The following C4orf17 variants were observed in gnomAD, a reference collection of about 807,000 sequenced individuals.
The protein encoded by C4orf17 is chromosome 4 open reading frame 17.
A neutral mutation model predicts 32.0 loss-of-function variants in C4orf17; 25 were observed. The ratio of observed to expected loss-of-function variants is 0.78; its 90% confidence interval spans 0.57 to 1.09. The LOEUF is 1.09. Ranked by LOEUF, C4orf17 falls within the 50% of genes least tolerant of loss-of-function variation. The probability of loss-of-function intolerance (pLI) is 0.00; values close to 1 mark genes in which losing one functional copy is unlikely to be tolerated. For missense variants in C4orf17, 420 were observed against 420.0 expected (o/e 1.00, Z 0.00); for synonymous variants, 149 against 145.8 (o/e 1.02, Z -0.16).
chr4:99,526,061 C>T (rs1029400647), intron 4 of C4orf17, among the ~76,000 whole-genome samples: 1 of 152,178 alleles, frequency 6.6e-6, no homozygotes, highest in African/African-American at 2.4e-5. Context: ...TGAGGGCAGA[C>T]ATCCTTGCCT....
In C4orf17 at chr4:99,513,102, A is replaced by G. The variant is rs112241691; in HGVS notation, c.21A>G (p.Thr7=). 2 of 1,613,734 alleles carry G rather than the reference A, an allele frequency of 1.2e-6. No individual in the cohort carries two copies. The highest frequency in any genetic ancestry group is 1.7e-6 in the Non-Finnish European group (2 of 1,179,844). The change falls in exon 2 of 9, where the codon ACA becomes ACG. Residue 7 remains threonine, a synonymous_variant. Transcript: ENST00000326581. MNLNPP[T]SALQIEGKGS... is the part of the protein sequence containing the mutation. ...CAAACATGAACCTCAACCCCCCGAC[A>G]TCTGCTCTTCAGATCGAGGGCAAAG... is the stretch of plus-strand genomic sequence containing the variant.
chr4:99,534,001 C>T (rs771728558), intron 5 of C4orf17, among the ~76,000 whole-genome samples: 3 of 152,082 alleles, frequency 2.0e-5, no homozygotes, highest in East Asian at 3.8e-4. Context: ...TTTTAAGTTC[C>T]GGGGTACATG....
chr4:99,529,927 G>T lies in C4orf17; in HGVS notation c.515G>T (p.Cys172Phe). The T allele has an allele frequency of 6.2e-7, 1 of 1,611,964 alleles. No homozygotes were observed. The highest frequency in any genetic ancestry group is 8.5e-7 in the Non-Finnish European group (1 of 1,178,996). The change falls in exon 5 of 9, where the codon TGC (cysteine) becomes TTC (phenylalanine). Residue 172 changes from cysteine to phenylalanine, a missense_variant. By Grantham distance (205) the Cys-to-Phe change is radical. Coordinates refer to ENST00000326581, the MANE Select transcript of C4orf17 (RefSeq NM_032149.3). ...AATGATGTGAAAGCAAACACCATTT[G>T]CATACCAAACTATCTGGATCAGGAA... ...TKNDVKANTI[C>F]IPNYLDQEIK...
At chr4:99,513,359 T>A in intron 2 of C4orf17, 151 bp downstream of exon 2, 1 of 966,344 alleles carries the variant, frequency 1.0e-6, no homozygotes, top group African/African-American at 1.6e-5. Context: ...GCCAGCACTG[T>A]AGTGAGAGCA....
chr4:99,540,274 A>T, intron 7 of C4orf17, 138 bp from the exon 8 acceptor site: 1 of 547,340 alleles, frequency 1.8e-6, no homozygotes, highest in East Asian at 2.9e-5. Flanking sequence ...TTAATACTGT[A>T]TGCATTAAAA....
At position 99,542,041 on chromosome 4, in the gene C4orf17, G is replaced by T. The variant is rs1230868648; in HGVS notation, c.1012G>T (p.Ala338Ser). The T allele has an allele frequency of 1.2e-6, 2 of 1,613,970 alleles. No homozygotes were observed. Among genetic ancestry groups the T allele is most frequent in the Non-Finnish European group, 1.7e-6 (2 of 1,179,990 alleles). ...QESGSAKPVSARSIQEYNLCP... is the reference protein window; with the variant it reads ...QESGSAKPVSSRSIQEYNLCP... ...GAGTGGATCAGCAAAACCAGTGTCA[G>T]CAAGGAGTATACAAGAATACAACCT... Residue 338 changes from alanine to serine, a missense_variant, in exon 9 of 9, where the codon GCA (alanine) becomes TCA (serine). Physicochemically the swap from Ala to Ser is moderately conservative, Grantham distance 99. Coordinates refer to ENST00000326581, the MANE Select transcript of C4orf17 (RefSeq NM_032149.3).
intron 2 of C4orf17, among the ~76,000 whole-genome samples, chr4:99,520,793 A>G (rs1015050245): frequency 1.4e-4 from 22 of 152,232 alleles, no homozygotes; most frequent in African/African-American, 5.3e-4. Context: ...AAAGCTTTAA[A>G]TGGCACTTAT....
intron 5 of C4orf17, among the ~76,000 whole-genome samples, chr4:99,532,665 C>T (rs1373651258): frequency 1.3e-5 from 2 of 152,148 alleles, no homozygotes; most frequent in Non-Finnish European, 2.9e-5. Flanking sequence ...ATCCACATAA[C>T]AAACATGCAC....
In C4orf17 at chr4:99,513,106, G is replaced by A. The variant is rs142182271; in HGVS notation, c.25G>A (p.Ala9Thr). MNLNPPTS[A>T]LQIEGKGSHI... ...CATGAACCTCAACCCCCCGACATCT[G>A]CTCTTCAGATCGAGGGCAAAGGCAG... is the stretch of plus-strand genomic sequence containing the variant. Residue 9 changes from alanine to threonine, a missense_variant, in exon 2 of 9, where the codon GCT becomes ACT. Ala to Thr is a moderately conservative substitution (Grantham distance 58). Coordinates refer to ENST00000326581, the MANE Select transcript of C4orf17 (RefSeq NM_032149.3). 2 of 1,613,838 alleles carry A rather than the reference G, an allele frequency of 1.2e-6. No individual in the cohort carries two copies. Among genetic ancestry groups the A allele is most frequent in the African/African-American group, 2.7e-5 (2 of 75,016 alleles).
chr4:99,530,242 A>G (rs1009664687), intron 5 of C4orf17, among the ~76,000 whole-genome samples: 1 of 152,086 alleles, frequency 6.6e-6, no homozygotes, highest in African/African-American at 2.4e-5. Context: ...ATCTTTCGTT[A>G]TCATCTTTCT....
chr4:99,525,817 T>A (rs976607776), intron 4 of C4orf17, among the ~76,000 whole-genome samples: 3 of 152,144 alleles, frequency 2.0e-5, no homozygotes, highest in African/African-American at 7.2e-5. Flanking sequence ...AAATTGGTTG[T>A]TGACTTTTTT....
intron 2 of C4orf17, among the ~76,000 whole-genome samples, chr4:99,518,568 G>C (rs1397575744): frequency 1.5e-5 from 2 of 129,356 alleles, no homozygotes; most frequent in Admixed American, 7.8e-5. Flanking sequence ...GAGAGAGAGA[G>C]AGAGAGAGAG....
At chr4:99,524,417 A>G (rs1351987584) in intron 3 of C4orf17, 104 bp from the exon 4 acceptor site, 2 of 586,178 alleles carry the variant, frequency 3.4e-6, no homozygotes, top group African/African-American at 4.1e-5. Context: ...ATTGACCTTA[A>G]AGTCAGAAAC....
chr4:99,526,656 T>C (rs796411978), intron 4 of C4orf17, among the ~76,000 whole-genome samples: 7 of 151,446 alleles, frequency 4.6e-5, no homozygotes, highest in African/African-American at 1.2e-4. Context: ...CTTTTCTTTT[T>C]TTTTTTTTTA....
chr4:99,513,264 G>C (rs1041001525), intron 2 of C4orf17, 56 bp downstream of exon 2: 2 of 1,599,282 alleles, frequency 1.3e-6, no homozygotes, highest in Non-Finnish European at 1.7e-6. Flanking sequence ...TGGGCTATTT[G>C]ATAATTCTGG....
chr4:99,515,913 A>C (rs1414803730), intron 2 of C4orf17, among the ~76,000 whole-genome samples: 1 of 152,208 alleles, frequency 6.6e-6, no homozygotes, highest in Non-Finnish European at 1.5e-5. Context: ...ACACGAGGAC[A>C]AACATCCCTG....
chr4:99,511,596 C>T (rs1286058479), intron 1 of C4orf17, among the ~76,000 whole-genome samples: 1 of 152,080 alleles, frequency 6.6e-6, no homozygotes, highest in Non-Finnish European at 1.5e-5. Flanking sequence ...TCTGTGGTCA[C>T]TTTGCTGGTT....
intron 7 of C4orf17, 110 bp downstream of exon 7, chr4:99,539,480 C>G: frequency 6.1e-6 from 5 of 818,934 alleles, no homozygotes; most frequent in Non-Finnish European, 1.0e-5. Flanking sequence ...TAAAGCTCCG[C>G]TTTATTCAGT....
At chr4:99,536,498 G>A (rs898591598) in intron 5 of C4orf17, among the ~76,000 whole-genome samples, 6 of 152,206 alleles carry the variant, frequency 3.9e-5, no homozygotes, top group Admixed American at 1.3e-4. Context: ...AGCAGTCTGG[G>A]CATGATCTGG....
Sources: allele counts gnomAD v4.1 joint callset (sites outside exome capture counted in the v4.1 genomes callset), GRCh38; gene constraint gnomAD v4.1.1; transcripts MANE v1.5; gene names NCBI Gene and HGNC (gene_info 2026-07-23, HGNC 2026-07-21).